SYNPR: variants seen among roughly 807,000 people sequenced by gnomAD.
SYNPR encodes the protein synaptoporin.
In SYNPR, 23 loss-of-function variants were observed where a neutral mutation model predicts 32.9. That is an observed-to-expected ratio of 0.70 (90% CI 0.50 to 0.99). The LOEUF is 0.99. SYNPR is among the 50% of genes least tolerant of loss of function. The pLI, the probability that SYNPR is intolerant of heterozygous loss-of-function variation, is 0.00. For synonymous variants in SYNPR, 146 were observed against 135.9 expected (o/e 1.07, Z -0.52); for missense variants, 318 against 349.3 (o/e 0.91, Z 0.71).
chr3:63,607,149 C>A (rs1489102373), intron 4 of SYNPR, among the ~76,000 whole-genome samples: 1 of 152,074 alleles, frequency 6.6e-6, no homozygotes, highest in East Asian at 1.9e-4. Flanking sequence ...AACCATCATA[C>A]TATAGGTAAT....
chr3:63,406,205 TA>T (rs112126122), intron 2 of SYNPR, among the ~76,000 whole-genome samples: 2,110 of 140,904 alleles, frequency 0.015, 24 homozygotes, highest in African/African-American at 0.025. Context: ...AATGCAGCTT[TA>T]AAAAAAAAAA....
intron 4 of SYNPR, among the ~76,000 whole-genome samples, chr3:63,569,148 G>A (rs1030708342): frequency 1.3e-5 from 2 of 152,018 alleles, no homozygotes; most frequent in African/African-American, 4.8e-5. Context: ...ATTATATTGA[G>A]ATAAAATGAA....
chr3:63,350,378 G>A (rs981249733), intron 2 of SYNPR, among the ~76,000 whole-genome samples: 1 of 152,286 alleles, frequency 6.6e-6, no homozygotes, highest in African/African-American at 2.4e-5. Flanking sequence ...TACAAGCCCT[G>A]TGCTGGGGAT....
chr3:63,559,830 A>C (rs2106832252), intron 4 of SYNPR, among the ~76,000 whole-genome samples: 1 of 152,272 alleles, frequency 6.6e-6, no homozygotes, highest in South Asian at 2.1e-4. Context: ...AAGAGATTGT[A>C]ATGCATATAC....
intron 4 of SYNPR, among the ~76,000 whole-genome samples, chr3:63,594,231 T>A (rs1035767414): frequency 6.6e-6 from 1 of 152,146 alleles, no homozygotes; most frequent in African/African-American, 2.4e-5. Context: ...TGACACAGAC[T>A]TTGGAGCTTA....
At chr3:63,368,413 T>C (rs1246935701) in intron 2 of SYNPR, among the ~76,000 whole-genome samples, 2 of 152,046 alleles carry the variant, frequency 1.3e-5, no homozygotes, top group African/African-American at 4.8e-5. Context: ...TGAGTTCCAG[T>C]TGAGAAAATT....
At chr3:63,568,134 G>A (rs1018629060) in intron 4 of SYNPR, among the ~76,000 whole-genome samples, 1 of 152,172 alleles carries the variant, frequency 6.6e-6, no homozygotes, top group South Asian at 2.1e-4. Context: ...GAGGTTAAAT[G>A]CCATTGAGCT....
intron 2 of SYNPR, among the ~76,000 whole-genome samples, chr3:63,314,477 T>C (rs1203509646): frequency 1.3e-5 from 2 of 151,848 alleles, no homozygotes; most frequent in African/African-American, 4.8e-5. Flanking sequence ...TAGTGATATT[T>C]AGCATTTTTT....
chr3:63,609,366 C>A lies in SYNPR; in HGVS notation c.600+50C>A. ...ACTGTTCATATCTTTGTTTGCCAGT[C>A]AAAATAATAAGAAAAACATCTCAGA... On this transcript the variant is annotated intron_variant, in intron 5 of 5. Coordinates refer to ENST00000478300, the MANE Select transcript of SYNPR (RefSeq NM_001130003.2). 2.1e-6 allele frequency: 3 copies of A among 1,410,958 alleles called. No homozygotes were observed. In the South Asian group the frequency reaches 4.8e-5, roughly 23 times the overall value. The allele number at this position is 1,410,958 out of a possible 1,614,324, so 87.4% of individuals were successfully genotyped here.
chr3:63,511,046 C>A (rs565783491), intron 3 of SYNPR, among the ~76,000 whole-genome samples: 15 of 151,170 alleles, frequency 9.9e-5, no homozygotes, highest in African/African-American at 3.1e-4. Flanking sequence ...CCCAGGCCTC[C>A]TGATTCTGAA....
At chr3:63,308,201 C>T (rs553122667) in intron 2 of SYNPR, among the ~76,000 whole-genome samples, 11 of 151,844 alleles carry the variant, frequency 7.2e-5, no homozygotes, top group Non-Finnish European at 1.2e-4. Flanking sequence ...ATTGTGGGCT[C>T]ATTTATTGTG....
the SYNPR span, among the ~76,000 whole-genome samples, chr3:63,217,682 G>A: frequency 6.6e-6 from 1 of 151,408 alleles, no homozygotes. Context: ...CGTCGCTCAC[G>A]CTGGGAGCTG....
intron 4 of SYNPR, among the ~76,000 whole-genome samples, chr3:63,597,983 T>C (rs1164230016): frequency 1.3e-5 from 2 of 152,192 alleles, no homozygotes; most frequent in African/African-American, 4.8e-5. Flanking sequence ...TCTAAAATTC[T>C]TGGAGGCTGA....
intron 2 of SYNPR, among the ~76,000 whole-genome samples, chr3:63,256,991 A>T (rs1290878355): frequency 2.6e-5 from 4 of 152,224 alleles, no homozygotes; most frequent in Non-Finnish European, 5.9e-5. Context: ...CAAATGAATG[A>T]AATGAAGTGA....
rs751581404 is a variant in SYNPR at position 63,616,458 on chromosome 3, C to G, written c.*977C>G. On this transcript the variant is annotated 3_prime_UTR_variant, in exon 6 of 6. Coordinates refer to ENST00000478300, the MANE Select transcript of SYNPR (RefSeq NM_001130003.2). Reference sequence around the variant, plus strand: ...TATTTATAAAGAATATTCTGTAGAACCTCTACTACCAGCTATATTTTTAAA... The same window carrying G: ...TATTTATAAAGAATATTCTGTAGAAGCTCTACTACCAGCTATATTTTTAAA... 1 of 152,516 alleles carries G rather than the reference C, an allele frequency of 6.6e-6. No homozygotes were observed. The highest frequency in any genetic ancestry group is 1.5e-5 in the Non-Finnish European group (1 of 68,034). The allele number at this position is 152,516 out of a possible 1,614,324, so 9.4% of individuals were successfully genotyped here.
At chr3:63,363,235 T>C (rs1192467344) in intron 2 of SYNPR, among the ~76,000 whole-genome samples, 1 of 152,234 alleles carries the variant, frequency 6.6e-6, no homozygotes, top group Non-Finnish European at 1.5e-5. Context: ...CTCTTAATGT[T>C]ATCAGCCTTT....
rs144431050 is a variant in SYNPR at position 63,293,450 on chromosome 3, C to A, written c.84+14708C>A. The stretch of plus-strand genomic sequence containing the variant: ...CTTCCACTGAGAGATAACCTTAATA[C>A]TTTGAAATATACTTTTAGATATCTT... On this transcript the variant is annotated intron_variant, in intron 2 of 5. Transcript: ENST00000478300. 3.6e-3 allele frequency among the ~76,000 whole-genome samples: 546 copies of A among 152,146 alleles called. 2 individuals carry two copies. The highest frequency in any genetic ancestry group is 0.012 in the African/African-American group (479 of 41,516).
chr3:63,555,315 T>C (rs1702577904), intron 3 of SYNPR, among the ~76,000 whole-genome samples: 1 of 125,886 alleles, frequency 7.9e-6, no homozygotes. Context: ...TTTATGAGGT[T>C]CGTGAATGGC....
chr3:63,277,675 C>T (rs1202572426), upstream of SYNPR, among the ~76,000 whole-genome samples: 1 of 152,212 alleles, frequency 6.6e-6, no homozygotes, highest in East Asian at 1.9e-4. Context: ...CACCTCTTCT[C>T]TCCAGGCAGT....
Sources: gnomAD v4.1 joint callset for allele counts (sites outside exome capture counted in the v4.1 genomes callset) on GRCh38, gnomAD v4.1.1 for gene constraint, MANE v1.5 for transcripts, NCBI Gene and HGNC (gene_info 2026-07-23, HGNC 2026-07-21) for gene names.